CDC25C: variants seen among roughly 807,000 people sequenced by gnomAD.
The protein encoded by CDC25C is M-phase inducer phosphatase 3.
A neutral mutation model predicts 52.5 loss-of-function variants in CDC25C; 48 were observed. The observed-to-expected ratio is 0.91, with a 90% CI of 0.72 to 1.16. The LOEUF (loss-of-function observed/expected upper bound fraction) is 1.16, where lower values mean the gene tolerates loss of function less well. Ranked by LOEUF, CDC25C falls within the 50% of genes most tolerant of loss-of-function variation. CDC25C has a pLI of 0.00. For missense variants in CDC25C, 510 were observed against 566.1 expected (o/e 0.90, Z 1.01); for synonymous variants, 187 against 206.5 (o/e 0.91, Z 0.81).
intron 7 of CDC25C, among the ~76,000 whole-genome samples, chr5:138,305,380 T>G (rs1757930103): frequency 6.6e-6 from 1 of 152,196 alleles, no homozygotes; most frequent in Admixed American, 6.6e-5. Context: ...TCATTACACT[T>G]GGACTATTTG....
At chr5:138,330,898 G>A in intron 2 of CDC25C, 89 bp downstream of exon 2, 2 of 902,242 alleles carry the variant, frequency 2.2e-6, no homozygotes, top group Non-Finnish European at 1.8e-6. Flanking sequence ...TGACCTTTGA[G>A]CCGGGATAAT....
chr5:138,297,046 G>T (rs1340203938), intron 7 of CDC25C, among the ~76,000 whole-genome samples: 1 of 150,490 alleles, frequency 6.6e-6, no homozygotes, highest in Non-Finnish European at 1.5e-5. Context: ...AAGTAGCTGG[G>T]ACTACAGGCA....
At chr5:138,320,723 G>A (rs1442227625) in intron 6 of CDC25C, among the ~76,000 whole-genome samples, 1 of 151,692 alleles carries the variant, frequency 6.6e-6, no homozygotes, top group Non-Finnish European at 1.5e-5. Context: ...AGACCAGCCT[G>A]GCCAACATGG....
At chr5:138,287,384 A>G in intron 10 of CDC25C, 117 bp from the exon 11 acceptor site, 1 of 630,566 alleles carries the variant, frequency 1.6e-6, no homozygotes, top group Admixed American at 2.6e-5. Flanking sequence ...TCCAGCCTCC[A>G]AAGTCACCCC....
At chr5:138,328,562 G>GTTA (rs778501800) in intron 3 of CDC25C, 33 bp from the exon 4 acceptor site, 62 of 1,574,954 alleles carry the variant, frequency 3.9e-5, no homozygotes, top group Non-Finnish European at 5.3e-5. Flanking sequence ...AGTAAAAGGA[G>GTTA]TTATTCTTGT....
At chr5:138,325,049 G>T (rs919079869) in intron 6 of CDC25C, among the ~76,000 whole-genome samples, 2 of 152,204 alleles carry the variant, frequency 1.3e-5, no homozygotes, top group African/African-American at 4.8e-5. Context: ...CAGCCTGGGC[G>T]ATGGAGCGAG....
chr5:138,289,423 G>T, intron 10 of CDC25C, 78 bp downstream of exon 10: 1 of 1,008,286 alleles, frequency 9.9e-7, no homozygotes, highest in Non-Finnish European at 1.6e-6. Flanking sequence ...AAATACAAAT[G>T]GAAATGGGCA....
In CDC25C at chr5:138,291,419, C is replaced by CT. The variant is rs572826668; in HGVS notation, c.762+550dup. ...AAGACGGTATGATGACAACATTTCTCTTTTTTTTTTTTTTTTTGAGACGGA... is the reference window on the plus strand; with the variant it reads ...AAGACGGTATGATGACAACATTTCTCTTTTTTTTTTTTTTTTTTGAGACGGA... On this transcript the variant is annotated intron_variant, in intron 8 of 13. Transcript: ENST00000323760. Among the ~76,000 whole-genome samples the CT allele has an allele frequency of 8.2e-3, 1,139 of 138,778 alleles. 7 individuals carry two copies. Among genetic ancestry groups the CT allele is most frequent in the African/African-American group, 0.011 (428 of 38,174 alleles). 91.0% of individuals were successfully genotyped at this position (138,778 alleles called of 152,430 possible).
chr5:138,286,253 A>G (rs1580694523), intron 12 of CDC25C, 120 bp from the exon 13 acceptor site: 3 of 855,208 alleles, frequency 3.5e-6, no homozygotes, highest in South Asian at 3.4e-5. Flanking sequence ...GGACTTTCCA[A>G]TCTCCCTGTG....
intron 7 of CDC25C, among the ~76,000 whole-genome samples, chr5:138,312,100 G>T (rs1459109649): frequency 6.6e-6 from 1 of 152,100 alleles, no homozygotes; most frequent in African/African-American, 2.4e-5. Context: ...ATTGCTGGTG[G>T]GAATGTAAAA....
intron 2 of CDC25C, among the ~76,000 whole-genome samples, chr5:138,330,258 C>T (rs1760253975): frequency 6.6e-6 from 1 of 151,930 alleles, no homozygotes; most frequent in Non-Finnish European, 1.5e-5. Flanking sequence ...CTCCACATTC[C>T]CGGTCCTGAG....
chr5:138,329,823 C>T (rs560586657), intron 2 of CDC25C, among the ~76,000 whole-genome samples, 176 bp from the exon 3 acceptor site: 26 of 151,488 alleles, frequency 1.7e-4, no homozygotes, highest in South Asian at 6.3e-4. Context: ...CTCCGCCTCC[C>T]GGGTTCAAGC....
At chr5:138,314,230 C>T (rs1309625249) in intron 7 of CDC25C, among the ~76,000 whole-genome samples, 1 of 151,670 alleles carries the variant, frequency 6.6e-6, no homozygotes, top group African/African-American at 2.4e-5. Flanking sequence ...CTCCTGACCT[C>T]AGGTGATCCA....
chr5:138,290,670 T>A lies in CDC25C; in HGVS notation c.833A>T (p.Asn278Ile). ...AAAATCACCAATCAGGTGCCCCTGG[T>A]TAGAATCTTCCTCCAGCATCTGAGT... ...TITQMLEEDS[N>I]QGHLIGDFSK... Residue 278 changes from asparagine to isoleucine, a missense_variant, in exon 9 of 14, where the codon AAC becomes ATC. By Grantham distance (149) the Asn-to-Ile change is moderately radical (BLOSUM62 -3). Transcript: ENST00000323760. 6.2e-7 allele frequency: 1 copy of A among 1,611,030 alleles called. No homozygotes were observed.
chr5:138,317,603 C>T (rs1286657120), intron 7 of CDC25C, among the ~76,000 whole-genome samples: 2 of 143,510 alleles, frequency 1.4e-5, no homozygotes, highest in African/African-American at 5.1e-5. Flanking sequence ...CTGCCAGAGC[C>T]TGGGGAGATT....
chr5:138,296,755 G>A lies in CDC25C; in HGVS notation c.616-4639C>T, dbSNP rs528815687. On this transcript the variant is annotated intron_variant, in intron 7 of 13. Transcript: ENST00000323760. The stretch of plus-strand genomic sequence containing the variant: ...AGAGTAGCTGGGACTACAGGCGCCC[G>A]CCACCGCACACAGCTAATTTTTTGT... Among the ~76,000 whole-genome samples, 7 of 150,836 alleles carry A rather than the reference G, an allele frequency of 4.6e-5. No individual in the cohort carries two copies. The South Asian group carries it at 6.3e-4, about 14-fold the overall frequency.
chr5:138,302,718 A>T (rs1170678913), intron 7 of CDC25C, among the ~76,000 whole-genome samples: 2 of 151,188 alleles, frequency 1.3e-5, no homozygotes, highest in African/African-American at 2.4e-5. Context: ...AAAGTAATTC[A>T]TCATATTAAC....
chr5:138,321,769 A>C (rs868527596), intron 6 of CDC25C, among the ~76,000 whole-genome samples: 9,873 of 142,518 alleles, frequency 0.069, 522 homozygotes, highest in Non-Finnish European at 0.11. Context: ...AAAAAAAAAA[A>C]AAAAAAAAAA....
At chr5:138,330,101 G>C (rs1760235871) in intron 2 of CDC25C, among the ~76,000 whole-genome samples, 1 of 152,022 alleles carries the variant, frequency 6.6e-6, no homozygotes, top group African/African-American at 2.4e-5. Context: ...AAATCTAATT[G>C]CTTTTGGGAA....
Sources: gnomAD v4.1 joint callset for allele counts (sites outside exome capture counted in the v4.1 genomes callset) on GRCh38, gnomAD v4.1.1 for gene constraint, MANE v1.5 for transcripts, NCBI Gene and HGNC (gene_info 2026-07-23, HGNC 2026-07-21) for gene names.